Variants in HS6ST3 observed in about 807,000 individuals in gnomAD.
HS6ST3 encodes the protein heparan-sulfate 6-O-sulfotransferase 3.
In HS6ST3, 12 loss-of-function variants were observed where a neutral mutation model predicts 36.7. The observed-to-expected ratio is 0.33, with a 90% CI of 0.21 to 0.53. The LOEUF (loss-of-function observed/expected upper bound fraction) is 0.53, where lower values mean the gene tolerates loss of function less well. Ranked by LOEUF, HS6ST3 falls within the 20% of genes least tolerant of loss-of-function variation. The pLI is 0.95. For missense variants in HS6ST3, 584 were observed against 640.9 expected, an observed-to-expected ratio of 0.91 and a Z score of 0.96; for synonymous variants, 240 against 257.5, an observed-to-expected ratio of 0.93 and a Z score of 0.65.
In HS6ST3 at chr13:96,218,145, A is replaced by G. The variant is rs116410494; in HGVS notation, c.707+126576A>G. Among the ~76,000 whole-genome samples, 1,436 of 152,320 alleles carry G rather than the reference A, an allele frequency of 9.4e-3. 25 individuals are homozygous for G. Among genetic ancestry groups the G allele is most frequent in the African/African-American group, 0.033 (1,377 of 41,574 alleles). The stretch of plus-strand genomic sequence containing the variant: ...AGACCCAGGGATGATTCTGGGACTC[A>G]GGAATGGCATCAGCAATGCTCCTCA... On this transcript the variant is annotated intron_variant, in intron 1 of 1. Transcript: ENST00000376705.
chr13:96,135,008 C>T (rs2053994364), intron 1 of HS6ST3, among the ~76,000 whole-genome samples: 1 of 152,184 alleles, frequency 6.6e-6, no homozygotes, highest in Non-Finnish European at 1.5e-5. Flanking sequence ...AGTTTCTCAG[C>T]ACTGCGCCAC....
At chr13:96,711,294 G>T (rs1199568204) in intron 1 of HS6ST3, among the ~76,000 whole-genome samples, 1 of 152,094 alleles carries the variant, frequency 6.6e-6, no homozygotes, top group Non-Finnish European at 1.5e-5. Context: ...AGAACACCCA[G>T]CAGTCATAGA....
At chr13:96,248,188 A>G (rs2054592777) in intron 1 of HS6ST3, among the ~76,000 whole-genome samples, 1 of 152,230 alleles carries the variant, frequency 6.6e-6, no homozygotes, top group Non-Finnish European at 1.5e-5. Context: ...CATAATTAAT[A>G]TACATGCCTG....
chr13:96,403,086 G>C (rs1319374111), intron 1 of HS6ST3, among the ~76,000 whole-genome samples: 1 of 152,110 alleles, frequency 6.6e-6, no homozygotes, highest in Non-Finnish European at 1.5e-5. Flanking sequence ...TGCTGTTCTA[G>C]TGGACATGAA....
intron 1 of HS6ST3, among the ~76,000 whole-genome samples, chr13:96,556,034 C>T (rs891354390): frequency 6.6e-6 from 1 of 152,108 alleles, no homozygotes; most frequent in Non-Finnish European, 1.5e-5. Flanking sequence ...CTTGATCTCC[C>T]GTGCATATGA....
chr13:96,377,622 ACT>A (rs1412242103), intron 1 of HS6ST3, among the ~76,000 whole-genome samples: 1 of 152,156 alleles, frequency 6.6e-6, no homozygotes, highest in African/African-American at 2.4e-5. Context: ...GTGGATGTAA[ACT>A]CTGTAAAATA....
chr13:96,226,388 C>T (rs1284829440), intron 1 of HS6ST3, among the ~76,000 whole-genome samples: 1 of 152,128 alleles, frequency 6.6e-6, no homozygotes, highest in Non-Finnish European at 1.5e-5. Context: ...TGCATGGTGG[C>T]TCATTCCTGT....
At chr13:96,143,897 T>C (rs2054043816) in intron 1 of HS6ST3, among the ~76,000 whole-genome samples, 1 of 152,222 alleles carries the variant, frequency 6.6e-6, no homozygotes, top group Admixed American at 6.5e-5. Flanking sequence ...GTTTTTCTTA[T>C]TAACATTAGG....
At chr13:96,224,559 C>T (rs935557881) in intron 1 of HS6ST3, among the ~76,000 whole-genome samples, 11 of 152,336 alleles carry the variant, frequency 7.2e-5, no homozygotes, top group African/African-American at 2.6e-4. Context: ...CAGTGATCCT[C>T]CTGCCTTGGC....
At chr13:96,305,179 GA>G (rs34496907) in intron 1 of HS6ST3, among the ~76,000 whole-genome samples, 1 of 151,332 alleles carries the variant, frequency 6.6e-6, no homozygotes, top group Admixed American at 6.6e-5. Context: ...ATTTTTTTTG[GA>G]AAAAAATTAG....
intron 1 of HS6ST3, among the ~76,000 whole-genome samples, chr13:96,680,455 T>A (rs1364859170): frequency 6.6e-6 from 1 of 152,114 alleles, no homozygotes; most frequent in African/African-American, 2.4e-5. Context: ...GGCTGGGTGG[T>A]TAGGCACTCA....
intron 1 of HS6ST3, among the ~76,000 whole-genome samples, chr13:96,472,082 T>C (rs1015879500): frequency 5.9e-5 from 9 of 152,180 alleles, no homozygotes; most frequent in African/African-American, 1.9e-4. Flanking sequence ...ACCACCCACA[T>C]ACTATTTAAG....
chr13:96,607,543 T>C (rs1489510419), intron 1 of HS6ST3, among the ~76,000 whole-genome samples: 2 of 152,070 alleles, frequency 1.3e-5, no homozygotes, highest in East Asian at 3.9e-4. Flanking sequence ...TTAAAGTAAA[T>C]GGGGCAGAAA....
At chr13:96,717,154 A>G (rs1420054967) in intron 1 of HS6ST3, among the ~76,000 whole-genome samples, 1 of 152,234 alleles carries the variant, frequency 6.6e-6, no homozygotes, top group Admixed American at 6.5e-5. Flanking sequence ...TTTTGAACCC[A>G]TAAATCTGAA....
chr13:96,485,312 AG>A (rs1314609057), intron 1 of HS6ST3, among the ~76,000 whole-genome samples: 1 of 151,900 alleles, frequency 6.6e-6, no homozygotes, highest in African/African-American at 2.4e-5. Flanking sequence ...ATATTTTATT[AG>A]AGTTATACCA....
intron 1 of HS6ST3, among the ~76,000 whole-genome samples, chr13:96,506,532 G>A (rs2138916691): frequency 6.6e-6 from 1 of 152,226 alleles, no homozygotes; most frequent in South Asian, 2.1e-4. Flanking sequence ...ACCATCTTTT[G>A]TAGCTATCGC....
At position 96,342,017 on chromosome 13, in the gene HS6ST3, C is replaced by T. The variant is rs139412570; in HGVS notation, c.707+250448C>T. Among the ~76,000 whole-genome samples, 534 of 152,050 alleles carry T rather than the reference C, an allele frequency of 3.5e-3. 7 individuals carry two copies. The highest frequency in any genetic ancestry group is 0.012 in the African/African-American group (516 of 41,490). ...CCCAGATGAATGTCCTGAAATTGAA[C>T]ATATCTGTGTGTACTTTTCTATTTG... On this transcript the variant is annotated intron_variant, in intron 1 of 1. Transcript: ENST00000376705.
At chr13:96,128,509 G>GA (rs2053961878) in intron 1 of HS6ST3, among the ~76,000 whole-genome samples, 1 of 152,154 alleles carries the variant, frequency 6.6e-6, no homozygotes. Context: ...GGCTCCTCAG[G>GA]AAGGTGCTGC....
At chr13:96,591,280 T>A (rs1008627751) in intron 1 of HS6ST3, among the ~76,000 whole-genome samples, 3 of 152,056 alleles carry the variant, frequency 2.0e-5, no homozygotes, top group African/African-American at 7.2e-5. Flanking sequence ...TAGAATGATT[T>A]GGGTAGCATG....
Sources: allele counts gnomAD v4.1 joint callset (sites outside exome capture counted in the v4.1 genomes callset), GRCh38; gene constraint gnomAD v4.1.1; transcripts MANE v1.5; gene names NCBI Gene and HGNC (gene_info 2026-07-23, HGNC 2026-07-21).